NIBAN1: variants seen among roughly 807,000 people sequenced by gnomAD.
The protein encoded by NIBAN1 is protein Niban 1.
In NIBAN1, 81 loss-of-function variants were observed where a neutral mutation model predicts 75.1. That is an observed-to-expected ratio of 1.08 (90% CI 0.90 to 1.30). The LOEUF is 1.30. Among genes scored for constraint, NIBAN1 ranks in the 50% most tolerant of loss-of-function variants. The probability of loss-of-function intolerance (pLI) is 0.00; values close to 1 mark genes in which losing one functional copy is unlikely to be tolerated. For missense variants in NIBAN1, 1,133 were observed against 1,128.1 expected (o/e 1.00, Z -0.06); for synonymous variants, 436 against 424.8 (o/e 1.03, Z -0.32).
Position 184,810,402 on chromosome 1 carries a change from G to C in NIBAN1, c.1174-2167C>G, listed in dbSNP as rs181039601. Among the ~76,000 whole-genome samples, 42 of 152,342 alleles carry C rather than the reference G, an allele frequency of 2.8e-4. 1 individual carries two copies. The highest frequency in any genetic ancestry group is 8.9e-4 in the African/African-American group (37 of 41,578). On this transcript the variant is annotated intron_variant, in intron 9 of 13. Coordinates refer to ENST00000367511, the MANE Select transcript of NIBAN1 (RefSeq NM_052966.4). ...TTTGCATTTTTAACAACCAGGTGAT[G>C]ATGACACTGCTGGTCTGGGGACCAT...
At chr1:184,818,906 G>C (rs1654614291) in intron 8 of NIBAN1, 81 bp from the exon 9 acceptor site, 2 of 1,450,258 alleles carry the variant, frequency 1.4e-6, no homozygotes, top group Non-Finnish European at 1.9e-6. Flanking sequence ...AGAGCTGAAT[G>C]GTGCCCCACG....
chr1:184,890,100 C>G lies in NIBAN1; in HGVS notation c.433+8G>C. ...TTTTGCCTTGGAAAAGAATGATCAG[C>G]AACTCACCAAGAGGGTCTGGGAAAT... On this transcript the variant is annotated splice_region_variant and intron_variant, in intron 4 of 13. Transcript: ENST00000367511. 1 of 1,599,858 alleles carries G rather than the reference C, an allele frequency of 6.3e-7. No individual in the cohort carries two copies. The highest frequency in any genetic ancestry group is 8.6e-7 in the Non-Finnish European group (1 of 1,167,304).
chr1:184,831,189 T>C (rs1654989970), intron 6 of NIBAN1, among the ~76,000 whole-genome samples: 1 of 152,168 alleles, frequency 6.6e-6, no homozygotes, highest in African/African-American at 2.4e-5. Context: ...GCTTAGGCCA[T>C]GATTGGCATC....
At chr1:184,905,534 T>A (rs893405995) in intron 1 of NIBAN1, among the ~76,000 whole-genome samples, 4 of 152,176 alleles carry the variant, frequency 2.6e-5, no homozygotes, top group Non-Finnish European at 4.4e-5. Context: ...TTCCCACTTC[T>A]TTCACTCAAC....
Position 184,936,919 on chromosome 1 carries a change from C to T in NIBAN1, c.55+37383G>A, listed in dbSNP as rs548109433. Among the ~76,000 whole-genome samples, 131 of 152,136 alleles carry T rather than the reference C, an allele frequency of 8.6e-4. 2 individuals are homozygous for T. The highest frequency in any genetic ancestry group is 8.4e-3 in the Admixed American group (129 of 15,286). On this transcript the variant is annotated intron_variant, in intron 1 of 13. Coordinates refer to ENST00000367511, the MANE Select transcript of NIBAN1 (RefSeq NM_052966.4). ...TACCCCACATTAATAAAACTCATCC[C>T]CATGATTAATATAAAGATGTTTTCA...
chr1:184,910,849 C>T (rs977751967), intron 1 of NIBAN1, among the ~76,000 whole-genome samples: 9 of 152,066 alleles, frequency 5.9e-5, no homozygotes, highest in Admixed American at 2.0e-4. Context: ...CTGAGTAAGA[C>T]GAAATTTTCT....
chr1:184,869,047 T>C (rs530396345), intron 5 of NIBAN1, among the ~76,000 whole-genome samples: 1 of 152,208 alleles, frequency 6.6e-6, no homozygotes, highest in African/African-American at 2.4e-5. Flanking sequence ...CCTGAGAACA[T>C]GTCAGAAATG....
chr1:184,910,883 G>A (rs1657223507), intron 1 of NIBAN1, among the ~76,000 whole-genome samples: 1 of 152,152 alleles, frequency 6.6e-6, no homozygotes, highest in African/African-American at 2.4e-5. Context: ...CTTGAGTTTG[G>A]ACATTGGTCT....
Position 184,899,239 on chromosome 1 carries a change from A to G in NIBAN1, c.126T>C (p.Asn42=). ...YSRQYSVAFC[N]HVRTEVEQQR... The stretch of plus-strand genomic sequence containing the variant: ...GCTGTTCTACTTCAGTGCGCACGTG[A>G]TTGCAGAAAGCCACAGAGTACTGAC... The change falls in exon 2 of 14, where the codon AAT becomes AAC. Residue 42 remains asparagine (N), a synonymous_variant. Coordinates refer to ENST00000367511, the MANE Select transcript of NIBAN1 (RefSeq NM_052966.4). 1.2e-6 allele frequency: 2 copies of G among 1,614,018 alleles called. No individual in the cohort carries two copies. Among genetic ancestry groups the G allele is most frequent in the Non-Finnish European group, 1.7e-6 (2 of 1,179,886 alleles).
chr1:184,795,412 C>T lies in NIBAN1; in HGVS notation c.2352G>A (p.Glu784=), dbSNP rs1293220825. The T allele has an allele frequency of 6.8e-6, 11 of 1,606,810 alleles. No homozygotes were observed. Among genetic ancestry groups the T allele is most frequent in the African/African-American group, 1.3e-5 (1 of 74,706 alleles). Residue 784 remains glutamate, a synonymous_variant, in exon 14 of 14, where the codon GAG becomes GAA. Transcript: ENST00000367511. ...TGCCTACCTCTGGAAATCCCCCCAA[C>T]TCCTCCCCATGGGCCTCGGGACAGG... The part of the protein sequence containing the change: ...QPPCPEAHGE[E]LGGFPEVGSP...
chr1:184,893,313 C>T (rs1282077737), intron 3 of NIBAN1, among the ~76,000 whole-genome samples: 1 of 152,170 alleles, frequency 6.6e-6, no homozygotes, highest in Non-Finnish European at 1.5e-5. Context: ...AATGGCACAA[C>T]TTGACCTAAC....
Position 184,796,114 on chromosome 1 carries a change from A to G in NIBAN1, c.1667-17T>C. 6.7e-7 allele frequency: 1 copy of G among 1,489,964 alleles called. No individual in the cohort carries two copies. The highest frequency in any genetic ancestry group is 8.9e-7 in the Non-Finnish European group (1 of 1,125,454). 92.3% of individuals were successfully genotyped at this position (1,489,964 alleles called of 1,614,324 possible). On this transcript the variant is annotated splice_polypyrimidine_tract_variant and intron_variant, in intron 13 of 13. Transcript: ENST00000367511. ...CCTTTATCACTGAGAGATATCAGAAAACAAAACATGATTTTCTGATTTTAT... is the reference window on the plus strand; with the variant it reads ...CCTTTATCACTGAGAGATATCAGAAGACAAAACATGATTTTCTGATTTTAT...
chr1:184,879,659 CT>C (rs532609212), intron 5 of NIBAN1, among the ~76,000 whole-genome samples: 149 of 152,268 alleles, frequency 9.8e-4, no homozygotes, highest in African/African-American at 3.5e-3. Context: ...CTTTGTTGTT[CT>C]AAATTTCAAT....
intron 1 of NIBAN1, among the ~76,000 whole-genome samples, chr1:184,965,070 C>A (rs1027255702): frequency 1.1e-4 from 17 of 152,082 alleles, no homozygotes; most frequent in Non-Finnish European, 2.2e-4. Context: ...GATGCCGAGG[C>A]GGGCGGATCA....
chr1:184,855,218 A>T (rs569393361), intron 5 of NIBAN1, among the ~76,000 whole-genome samples: 4 of 152,196 alleles, frequency 2.6e-5, no homozygotes, highest in Non-Finnish European at 4.4e-5. Context: ...CATATAAAAT[A>T]TTCCAGACCA....
chr1:184,811,708 G>A (rs1004596830), intron 9 of NIBAN1, among the ~76,000 whole-genome samples: 2 of 151,906 alleles, frequency 1.3e-5, no homozygotes, highest in Non-Finnish European at 2.9e-5. Context: ...TAGCCAGGAT[G>A]GTCTCGATTT....
At chr1:184,832,855 G>A (rs956455933) in intron 5 of NIBAN1, among the ~76,000 whole-genome samples, 4 of 152,176 alleles carry the variant, frequency 2.6e-5, no homozygotes, top group Non-Finnish European at 4.4e-5. Context: ...TGCTAGGCAT[G>A]CAGTGTCTTC....
At chr1:184,887,606 G>A (rs1656560485) in intron 4 of NIBAN1, 1 of 152,160 alleles carries the variant, frequency 6.6e-6, no homozygotes, top group Non-Finnish European at 1.5e-5. Flanking sequence ...TATGGTAGGA[G>A]CTCAGCAGCC....
At chr1:184,960,898 G>A (rs1404886421) in intron 1 of NIBAN1, among the ~76,000 whole-genome samples, 1 of 151,888 alleles carries the variant, frequency 6.6e-6, no homozygotes, top group Admixed American at 6.6e-5. Context: ...CCAAAGTGCT[G>A]GGATTACAGG....
Sources: gnomAD v4.1 joint callset for allele counts (sites outside exome capture counted in the v4.1 genomes callset) on GRCh38, gnomAD v4.1.1 for gene constraint, MANE v1.5 for transcripts, NCBI Gene and HGNC (gene_info 2026-07-23, HGNC 2026-07-21) for gene names.